Variants in RSRC1 observed in about 807,000 individuals in gnomAD.
RSRC1 encodes serine/Arginine-related protein 53.
Under a neutral mutation model 49.1 loss-of-function variants are expected in RSRC1, and 39 were observed. That is an observed-to-expected ratio of 0.79 (90% CI 0.61 to 1.04). The LOEUF is 1.04. Ranked by LOEUF, RSRC1 falls within the 50% of genes least tolerant of loss-of-function variation. RSRC1 has a pLI of 0.00. For synonymous variants in RSRC1, 143 were observed against 130.8 expected (o/e 1.09, Z -0.63); for missense variants, 388 against 402.4 (o/e 0.96, Z 0.31).
At chr3:158,218,403 T>C (rs1722065919) in intron 4 of RSRC1, among the ~76,000 whole-genome samples, 1 of 151,724 alleles carries the variant, frequency 6.6e-6, no homozygotes, top group South Asian at 2.1e-4. Flanking sequence ...TATTTATGTA[T>C]TTAATGATAG....
At chr3:158,213,201 C>G (rs1721777193) in intron 4 of RSRC1, among the ~76,000 whole-genome samples, 1 of 151,700 alleles carries the variant, frequency 6.6e-6, no homozygotes, top group African/African-American at 2.4e-5. Flanking sequence ...TCTTAATATC[C>G]TAGTATAAAA....
chr3:158,318,739 A>G (rs1010171778), intron 5 of RSRC1, among the ~76,000 whole-genome samples: 1 of 152,218 alleles, frequency 6.6e-6, no homozygotes, highest in Admixed American at 6.5e-5. Context: ...GACTTATGTC[A>G]GAACTTGGGA....
chr3:158,215,829 CAA>C (rs1322133066), intron 4 of RSRC1, among the ~76,000 whole-genome samples: 1 of 151,732 alleles, frequency 6.6e-6, no homozygotes, highest in Non-Finnish European at 1.5e-5. Context: ...TTTAAACTGG[CAA>C]AGATATTTTA....
At chr3:158,424,015 C>A (rs891417531) in intron 6 of RSRC1, among the ~76,000 whole-genome samples, 1 of 150,996 alleles carries the variant, frequency 6.6e-6, no homozygotes, top group Admixed American at 6.6e-5. Flanking sequence ...ATGTCGTCTG[C>A]AAACAGGGAC....
intron 6 of RSRC1, among the ~76,000 whole-genome samples, chr3:158,444,424 A>T (rs1049834515): frequency 1.3e-5 from 2 of 152,200 alleles, no homozygotes; most frequent in Non-Finnish European, 2.9e-5. Flanking sequence ...TCCCTATTTA[A>T]TAAATGGTGC....
At chr3:158,372,596 T>C in intron 6 of RSRC1, among the ~76,000 whole-genome samples, 1 of 151,960 alleles carries the variant, frequency 6.6e-6, no homozygotes, top group East Asian at 1.9e-4. Flanking sequence ...TAACTTTGTT[T>C]TTCTTTTTCA....
At chr3:158,218,251 T>A (rs935822635) in intron 4 of RSRC1, among the ~76,000 whole-genome samples, 6 of 151,516 alleles carry the variant, frequency 4.0e-5, no homozygotes, top group African/African-American at 1.5e-4. Flanking sequence ...AGCTGCAGTG[T>A]GGAAAACAGA....
At chr3:158,321,587 G>A (rs1224807197) in intron 5 of RSRC1, among the ~76,000 whole-genome samples, 2 of 148,154 alleles carry the variant, frequency 1.3e-5, no homozygotes, top group Non-Finnish European at 3.0e-5. Flanking sequence ...AACACACTAT[G>A]TATTTATATG....
chr3:158,515,346 C>T (rs1740454334), intron 7 of RSRC1, among the ~76,000 whole-genome samples: 1 of 133,404 alleles, frequency 7.5e-6, no homozygotes, highest in Non-Finnish European at 1.6e-5. Flanking sequence ...TTTATTTCTC[C>T]TTCACCTATG....
intron 3 of RSRC1, among the ~76,000 whole-genome samples, chr3:158,134,665 C>T (rs929306700): frequency 2.6e-5 from 4 of 152,034 alleles, no homozygotes; most frequent in African/African-American, 9.7e-5. Flanking sequence ...TGGTGGGAAT[C>T]TTTTGATTAG....
At chr3:158,509,793 A>T (rs562447598) in intron 7 of RSRC1, among the ~76,000 whole-genome samples, 1 of 152,276 alleles carries the variant, frequency 6.6e-6, no homozygotes, top group East Asian at 1.9e-4. Flanking sequence ...TCACTGTTGT[A>T]TAATATTCTA....
chr3:158,255,066 T>A (rs1176522074), intron 4 of RSRC1, among the ~76,000 whole-genome samples: 1 of 152,204 alleles, frequency 6.6e-6, no homozygotes, highest in Non-Finnish European at 1.5e-5. Flanking sequence ...AGAAGCTCTT[T>A]GATTAGATCT....
chr3:158,324,552 G>C (rs1728961686), intron 5 of RSRC1, among the ~76,000 whole-genome samples: 1 of 152,140 alleles, frequency 6.6e-6, no homozygotes. Context: ...TCCCTACAAA[G>C]GACATGAACT....
intron 4 of RSRC1, chr3:158,275,914 CT>C: frequency 2.8e-6 from 2 of 706,050 alleles, no homozygotes; most frequent in South Asian, 1.4e-5. Context: ...GGCCACGGCT[CT>C]TTTGGCCTGC....
intron 3 of RSRC1, among the ~76,000 whole-genome samples, chr3:158,181,949 G>C (rs1719643224): frequency 6.6e-6 from 1 of 152,078 alleles, no homozygotes; most frequent in African/African-American, 2.4e-5. Context: ...CCCTTGCAGA[G>C]CTTACATTCT....
At chr3:158,233,228 TTTTATTTG>T (rs1322689202) in intron 4 of RSRC1, among the ~76,000 whole-genome samples, 1 of 152,146 alleles carries the variant, frequency 6.6e-6, no homozygotes, top group Non-Finnish European at 1.5e-5. Flanking sequence ...ACCAGTGGTT[TTTTATTTG>T]TTTATTTGTT....
At chr3:158,346,259 C>T (rs1730549384) in intron 5 of RSRC1, among the ~76,000 whole-genome samples, 1 of 152,054 alleles carries the variant, frequency 6.6e-6, no homozygotes, top group Admixed American at 6.6e-5. Context: ...CTGCAATGAG[C>T]TACAGTCCTG....
intron 5 of RSRC1, among the ~76,000 whole-genome samples, chr3:158,306,759 AT>A (rs1394239333): frequency 3.9e-5 from 6 of 152,038 alleles, no homozygotes; most frequent in African/African-American, 1.4e-4. Flanking sequence ...TTTCTGTAAC[AT>A]TTTATTATAA....
At chr3:158,485,170 T>C (rs1333029531) in intron 7 of RSRC1, among the ~76,000 whole-genome samples, 3 of 152,198 alleles carry the variant, frequency 2.0e-5, no homozygotes, top group South Asian at 4.1e-4. Flanking sequence ...ATGAAGATTG[T>C]AGGCTGTTTT....
Sources: gnomAD v4.1 joint callset for allele counts (sites outside exome capture counted in the v4.1 genomes callset) on GRCh38, gnomAD v4.1.1 for gene constraint, MANE v1.5 for transcripts, NCBI Gene and HGNC (gene_info 2026-07-23, HGNC 2026-07-21) for gene names.